The following SAMM50 variants were observed in gnomAD, a reference collection of about 807,000 sequenced individuals.
The protein encoded by SAMM50 is sorting and assembly machinery component 50 homolog.
In SAMM50, 47 loss-of-function variants were observed where a neutral mutation model predicts 66.9. That is an observed-to-expected ratio of 0.70 (90% CI 0.56 to 0.90). The LOEUF (loss-of-function observed/expected upper bound fraction) is 0.90. SAMM50 is among the 40% of genes least tolerant of loss of function. The probability of loss-of-function intolerance (pLI) is 0.00; values close to 1 mark genes in which losing one functional copy is unlikely to be tolerated. For synonymous variants in SAMM50, 191 were observed against 214.1 expected, an observed-to-expected ratio of 0.89 and a Z score of 0.94; for missense variants, 535 against 595.3, an observed-to-expected ratio of 0.90 and a Z score of 1.05.
intron 1 of SAMM50, among the ~76,000 whole-genome samples, chr22:43,955,969 C>T (rs117633164): frequency 6.6e-6 from 1 of 152,332 alleles, no homozygotes; most frequent in East Asian, 1.9e-4. Flanking sequence ...CTGCTGGAGC[C>T]ATTGTAGGCT....
chr22:43,988,502 G>A (rs2050305512), intron 12 of SAMM50: 1 of 152,194 alleles, frequency 6.6e-6, no homozygotes, highest in Non-Finnish European at 1.5e-5. Context: ...TTAGAAATAT[G>A]CAAATACATG....
chr22:43,963,345 A>G lies in SAMM50; in HGVS notation c.81A>G (p.Glu27=), dbSNP rs900458147. Residue 27 remains glutamate, a synonymous_variant, in exon 2 of 15, where the codon GAA becomes GAG. Transcript: ENST00000350028. ...TTGGAGGATTAGGAGAAGAAGCTGAATTTGTTGAAGTTGAGCCTGAAGCTA... is the reference window on the plus strand; with the variant it reads ...TTGGAGGATTAGGAGAAGAAGCTGAGTTTGTTGAAGTTGAGCCTGAAGCTA... ...PDFGGLGEEA[E]FVEVEPEAKQ... is the part of the protein sequence containing the mutation. The G allele has an allele frequency of 6.2e-7, 1 of 1,613,424 alleles. No homozygotes were observed. The highest frequency in any genetic ancestry group is 8.5e-7 in the Non-Finnish European group (1 of 1,179,840).
At chr22:43,981,274 C>A in intron 10 of SAMM50, 117 bp from the exon 11 acceptor site, 2 of 784,850 alleles carry the variant, frequency 2.5e-6, no homozygotes, top group Non-Finnish European at 4.5e-6. Context: ...CCCTTGCACC[C>A]CATCGCGGAG....
chr22:43,973,453 T>C, intron 7 of SAMM50, 130 bp downstream of exon 7: 1 of 612,122 alleles, frequency 1.6e-6, no homozygotes, highest in Non-Finnish European at 3.0e-6. Flanking sequence ...AGGTACCTCC[T>C]GGCCAGGTGC....
chr22:43,994,623 GAGA>G (rs1369051042), intron 14 of SAMM50, among the ~76,000 whole-genome samples: 2 of 152,334 alleles, frequency 1.3e-5, no homozygotes, highest in East Asian at 1.9e-4. Flanking sequence ...AGTGCTGGGT[GAGA>G]AGAAGGTGGG....
chr22:43,996,286 A>C, intron 14 of SAMM50, 52 bp from the exon 15 acceptor site: 7 of 1,597,486 alleles, frequency 4.4e-6, no homozygotes, highest in Admixed American at 3.3e-5. Context: ...AGTCGTGAAG[A>C]TGGCAGGGCT....
intron 3 of SAMM50, among the ~76,000 whole-genome samples, chr22:43,965,448 T>G (rs2050168193): frequency 6.6e-6 from 1 of 152,076 alleles, no homozygotes; most frequent in South Asian, 2.1e-4. Context: ...CCTCAAGTGA[T>G]CCACCTGCCT....
At chr22:43,988,061 T>C (rs1211831860) in intron 12 of SAMM50, 1 of 152,182 alleles carries the variant, frequency 6.6e-6, no homozygotes, top group Non-Finnish European at 1.5e-5. Flanking sequence ...AATATTTTCA[T>C]TTTTTTCTCT....
chr22:43,996,101 T>G, intron 14 of SAMM50: 1 of 640,178 alleles, frequency 1.6e-6, no homozygotes, highest in Non-Finnish European at 2.8e-6. Context: ...AGGATTTGGG[T>G]CTCTCCTTCT....
At chr22:43,970,670 G>T (rs2146812708) in intron 4 of SAMM50, among the ~76,000 whole-genome samples, 1 of 152,196 alleles carries the variant, frequency 6.6e-6, no homozygotes, top group South Asian at 2.1e-4. Context: ...GTGTGTCGGG[G>T]TAAGGAGAGG....
chr22:43,996,223 G>T, intron 14 of SAMM50, 115 bp from the exon 15 acceptor site: 1 of 1,129,110 alleles, frequency 8.9e-7, no homozygotes. Context: ...CAGGAAGGCA[G>T]CAGGAGGAGG....
chr22:43,996,325 C>A lies in SAMM50; in HGVS notation c.1365-13C>A. 1.2e-6 allele frequency: 2 copies of A among 1,614,038 alleles called. No individual in the cohort carries two copies. Among genetic ancestry groups the A allele is most frequent in the Admixed American group, 1.7e-5 (1 of 60,020 alleles). On this transcript the variant is annotated splice_polypyrimidine_tract_variant and intron_variant, in intron 14 of 14. Coordinates refer to ENST00000350028, the MANE Select transcript of SAMM50 (RefSeq NM_015380.5). ...GGAGCGGCCGCCGCATCTGATCTCT[C>A]CCCTTTTTTTAGGATATGTGATGGC...
intron 12 of SAMM50, 154 bp from the exon 13 acceptor site, chr22:43,988,957 A>T: frequency 1.7e-6 from 1 of 585,192 alleles, no homozygotes; most frequent in Non-Finnish European, 2.9e-6. Context: ...TGAGGCCATC[A>T]GTATCAGGAA....
At chr22:43,978,770 C>T (rs565538131) in intron 10 of SAMM50, among the ~76,000 whole-genome samples, 14 of 152,140 alleles carry the variant, frequency 9.2e-5, no homozygotes, top group Non-Finnish European at 1.9e-4. Flanking sequence ...ATATTTCTCA[C>T]GTCTTCCCAG....
At chr22:43,985,440 G>A (rs887469974) in intron 12 of SAMM50, among the ~76,000 whole-genome samples, 2 of 152,008 alleles carry the variant, frequency 1.3e-5, no homozygotes, top group Non-Finnish European at 2.9e-5. Context: ...TGGGAGTTGG[G>A]ATCATACAGT....
intron 1 of SAMM50, among the ~76,000 whole-genome samples, chr22:43,958,112 C>T (rs1463613146): frequency 6.6e-6 from 1 of 152,212 alleles, no homozygotes; most frequent in Non-Finnish European, 1.5e-5. Flanking sequence ...CACTATTGCA[C>T]TTCATTCCCC....
At chr22:43,961,589 A>G (rs1488377797) in intron 1 of SAMM50, among the ~76,000 whole-genome samples, 1 of 152,080 alleles carries the variant, frequency 6.6e-6, no homozygotes, top group Non-Finnish European at 1.5e-5. Flanking sequence ...AGTTGGGACT[A>G]CAGGCACACA....
intron 8 of SAMM50, 135 bp downstream of exon 8, chr22:43,976,318 A>G (rs1237956944): frequency 2.1e-5 from 21 of 986,440 alleles, no homozygotes; most frequent in Middle Eastern, 2.4e-4. Flanking sequence ...GGCGGCCCCC[A>G]CTCCCCGAGG....
chr22:43,980,784 G>A (rs567370310), intron 10 of SAMM50, among the ~76,000 whole-genome samples: 1 of 152,342 alleles, frequency 6.6e-6, no homozygotes, highest in South Asian at 2.1e-4. Context: ...GAAAACATGG[G>A]GTGCAGGGGA....
Sources: allele counts gnomAD v4.1 joint callset (sites outside exome capture counted in the v4.1 genomes callset), GRCh38; gene constraint gnomAD v4.1.1; transcripts MANE v1.5; gene names NCBI Gene and HGNC (gene_info 2026-07-23, HGNC 2026-07-21).